The following MACF1 variants were observed in gnomAD, a reference collection of about 807,000 sequenced individuals.
MACF1 encodes the protein microtubule-actin cross-linking factor 1.
MACF1 carries 193 observed loss-of-function variants against 854.8 expected under a neutral mutation model. The ratio of observed to expected loss-of-function variants is 0.23; its 90% CI spans 0.20 to 0.25. MACF1 has a LOEUF of 0.25. Ranked by LOEUF, MACF1 falls within the 10% of genes least tolerant of loss-of-function variation. The probability of loss-of-function intolerance (pLI) is 1.00; values close to 1 mark genes in which losing one functional copy is unlikely to be tolerated. For synonymous variants in MACF1, 3,185 were observed against 3,226.7 expected (o/e 0.99, Z 0.44); for missense variants, 7,722 against 8,929.1 (o/e 0.86, Z 5.45).
chr1:39,189,820 C>T (rs1644222161), intron 2 of MACF1, among the ~76,000 whole-genome samples: 1 of 152,158 alleles, frequency 6.6e-6, no homozygotes, highest in African/African-American at 2.4e-5. Context: ...TATCTGTATA[C>T]ATATTTCTCC....
intron 58 of MACF1, among the ~76,000 whole-genome samples, chr1:39,395,991 G>T (rs1476450045): frequency 6.6e-6 from 1 of 152,190 alleles, no homozygotes; most frequent in East Asian, 1.9e-4. Context: ...ATCAAGAAAG[G>T]ATTGATAGAT....
intron 1 of MACF1, among the ~76,000 whole-genome samples, chr1:39,207,258 TTTTCTTTC>T (rs151191283): frequency 1.0e-4 from 15 of 150,710 alleles, no homozygotes; most frequent in Non-Finnish European, 2.1e-4. Context: ...ATAGTTGTTT[TTTTCTTTC>T]TTTCTTTCTT....
Position 39,358,809 on chromosome 1 carries a change from A to C in MACF1, c.12056A>C (p.Lys4019Thr), listed in dbSNP as rs1468693122. ...WMQACEANVE[K>T]LLSDTVASDP... ...CAGGCTTGTGAGGCCAACGTGGAGAAGCTCCTCTCAGATACTGTTGCCTCT... is the reference window on the plus strand; with the variant it reads ...CAGGCTTGTGAGGCCAACGTGGAGACGCTCCTCTCAGATACTGTTGCCTCT... The change falls in exon 46 of 101, where the codon AAG becomes ACG. Residue 4019 changes from lysine to threonine, a missense_variant. Physicochemically the swap from Lys to Thr is moderately conservative, Grantham distance 78. Around this residue, in one of 15 missense-constraint regions of MACF1, gnomAD observed 2,807 missense variants for 3,235.8 expected, o/e 0.87. Coordinates refer to ENST00000564288, the MANE Select transcript of MACF1 (RefSeq NM_001394062.1). The C allele has an allele frequency of 3.7e-6, 6 of 1,613,766 alleles. No individual in the cohort carries two copies. The highest frequency in any genetic ancestry group is 5.1e-6 in the Non-Finnish European group (6 of 1,179,918).
At chr1:39,380,559 A>T (rs1650089133) in intron 55 of MACF1, among the ~76,000 whole-genome samples, 186 bp downstream of exon 55, 1 of 152,202 alleles carries the variant, frequency 6.6e-6, no homozygotes, top group South Asian at 2.1e-4. Flanking sequence ...CCACTCAAAA[A>T]GTCAGAAGTT....
chr1:39,251,993 G>A (rs922530021), intron 4 of MACF1, 52 bp downstream of exon 4: 2 of 1,304,842 alleles, frequency 1.5e-6, no homozygotes. Flanking sequence ...TGGCACTGCA[G>A]GGCCATCAGA....
At position 39,332,318 on chromosome 1, in the gene MACF1, T is replaced by G. The variant is rs1646741755; in HGVS notation, c.5730T>G (p.Asp1910Glu). The G allele has an allele frequency of 1.2e-6, 2 of 1,613,882 alleles. No individual in the cohort carries two copies. The highest frequency in any genetic ancestry group is 3.3e-5 in the Admixed American group (2 of 60,000). The part of the protein sequence containing the change: ...WKKAIESGIL[D>E]RDLANNLKSI... The stretch of plus-strand genomic sequence containing the variant: ...AAGCAATAGAAAGTGGTATCCTGGA[T>G]AGAGATCTTGCCAATAACTTAAAAT... The change falls in exon 37 of 101, where the codon GAT becomes GAG. Residue 1910 changes from aspartate to glutamate, a missense_variant. Asp to Glu is a conservative substitution (Grantham distance 45). Around this residue, in one of 15 missense-constraint regions of MACF1, gnomAD observed 1,531 missense variants for 1,601.6 expected, o/e 0.96. Transcript: ENST00000564288.
intron 15 of MACF1, among the ~76,000 whole-genome samples, chr1:39,290,005 C>G (rs1396077372): frequency 6.6e-6 from 1 of 151,954 alleles, no homozygotes; most frequent in Non-Finnish European, 1.5e-5. Context: ...TGGCCTGTCC[C>G]TTTCCTTTGT....
intron 52 of MACF1, 71 bp downstream of exon 52, chr1:39,372,667 T>C (rs1649350306): frequency 1.0e-6 from 1 of 963,212 alleles, no homozygotes; most frequent in South Asian, 1.4e-5. Flanking sequence ...AGATGCCTCC[T>C]TATATAATTA....
At chr1:39,286,355 A>G (rs1008488599) in intron 14 of MACF1, among the ~76,000 whole-genome samples, 3 of 152,156 alleles carry the variant, frequency 2.0e-5, no homozygotes, top group African/African-American at 7.2e-5. Context: ...GTTGGGACAC[A>G]ACACAACTTC....
chr1:39,443,671 A>G lies in MACF1; in HGVS notation c.19431+97A>G, dbSNP rs1644164216. The G allele has an allele frequency of 4.7e-5, 61 of 1,305,344 alleles. 2 individuals carry two copies. In the South Asian group the frequency reaches 8.4e-4, roughly 18 times the overall value. 80.9% of individuals were successfully genotyped at this position (1,305,344 alleles called of 1,614,324 possible). A position where few individuals can be genotyped will look rare whatever the true frequency, so the allele number is the denominator to read the frequency against. On this transcript the variant is annotated intron_variant, in intron 79 of 100. Coordinates refer to ENST00000564288, the MANE Select transcript of MACF1 (RefSeq NM_001394062.1). ...AATTAATATGTATCTGGAAATCTAC[A>G]AAGTAGTGCATTTTTATCAAACATA...
At chr1:39,171,168 C>G (rs984416282) in intron 2 of MACF1, among the ~76,000 whole-genome samples, 3 of 151,156 alleles carry the variant, frequency 2.0e-5, no homozygotes, top group Non-Finnish European at 4.4e-5. Context: ...CCTTTCTGGT[C>G]CATATTTACT....
rs1256840402 is a variant in MACF1 at position 39,409,033 on chromosome 1, C to A, written c.15817-13341C>A. 1.3e-5 allele frequency among the ~76,000 whole-genome samples: 2 copies of A among 151,598 alleles called. No homozygotes were observed. The highest frequency in any genetic ancestry group is 2.9e-5 in the Non-Finnish European group (2 of 67,842). On this transcript the variant is annotated intron_variant, in intron 58 of 100. Transcript: ENST00000564288. The surrounding 1 kb of genome is among the most constrained non-coding windows in gnomAD (Gnocchi z 4.2). ...GCTGCCCGGGCGGGGCGGCGCAGCG[C>A]GGCGGCGCGGGGAAGGGGGAGGAGA... is the stretch of plus-strand genomic sequence containing the variant.
At chr1:39,207,893 G>T (rs920045107) in intron 1 of MACF1, among the ~76,000 whole-genome samples, 8 of 151,942 alleles carry the variant, frequency 5.3e-5, no homozygotes, top group African/African-American at 1.7e-4. Flanking sequence ...CAGCACTTTG[G>T]GAGGCTGAGG....
At chr1:39,461,757 A>C (rs1457735043) in intron 92 of MACF1, 126 bp from the exon 93 acceptor site, 8 of 659,738 alleles carry the variant, frequency 1.2e-5, no homozygotes, top group South Asian at 1.1e-4. Flanking sequence ...GCACCACTGC[A>C]CTCCAGCCTG....
rs1483119307 is a variant in MACF1, at chr1:39,442,855, T to C, written c.19246T>C (p.Ser6416Pro). 6.2e-7 allele frequency: 1 copy of C among 1,613,832 alleles called. No homozygotes were observed. The highest frequency in any genetic ancestry group is 2.2e-5 in the East Asian group (1 of 44,884). The change falls in exon 78 of 101, where the codon TCA (serine) becomes CCA (proline). Residue 6416 changes from serine to proline, a missense_variant. Physicochemically the swap from Ser to Pro is moderately conservative, Grantham distance 74 (BLOSUM62 -1). This residue lies in a region of MACF1 where 729 missense variants were observed against 900.5 expected (regional missense o/e 0.81). Transcript: ENST00000564288. ...GGAAGCCATGAACCAATGCTGGGAG[T>C]CAGTGTTACAGAAAACAGAGGAGAG... ...RLEAMNQCWE[S>P]VLQKTEEREQ...
intron 18 of MACF1, 68 bp from the exon 19 acceptor site, chr1:39,294,978 T>G: frequency 8.5e-7 from 1 of 1,175,440 alleles, no homozygotes; most frequent in Non-Finnish European, 1.3e-6. Context: ...GGAACACAGC[T>G]TTTATTTATG....
intron 58 of MACF1, among the ~76,000 whole-genome samples, chr1:39,404,471 G>GA (rs71575619): frequency 6.7e-4 from 95 of 142,054 alleles, no homozygotes; most frequent in South Asian, 2.0e-3. Context: ...ACCCTGTCTG[G>GA]AAAAAAAAAA....
chr1:39,423,854 C>T (rs982717262), intron 60 of MACF1, among the ~76,000 whole-genome samples, 174 bp from the exon 61 acceptor site: 2 of 151,568 alleles, frequency 1.3e-5, no homozygotes, highest in South Asian at 2.1e-4. Context: ...GAAAAGTATA[C>T]GAGTGGTGAG....
At position 39,437,831 on chromosome 1, in the gene MACF1, C is replaced by G; in HGVS notation, c.18043C>G (p.Leu6015Val). 6.2e-7 allele frequency: 1 copy of G among 1,614,120 alleles called. No homozygotes were observed. The highest frequency in any genetic ancestry group is 2.2e-5 in the East Asian group (1 of 44,890). Residue 6015 changes from leucine to valine, a missense_variant, in exon 71 of 101, where the codon CTG becomes GTG. By Grantham distance (32) the Leu-to-Val change is conservative. Transcript: ENST00000564288. ...LETLENLSSR[L>V]RMPPLIPAEV... ...GACACTGGAGAATCTTTCCTCTCGC[C>G]TGCGTATGCCACCACTGATCCCTGC...
Sources: gnomAD v4.1 joint callset for allele counts (sites outside exome capture counted in the v4.1 genomes callset) on GRCh38, gnomAD v4.1.1 for gene constraint, gnomAD v4.1.1 regional missense constraint, Gnocchi (gnomAD v3.1) non-coding constraint, MANE v1.5 for transcripts, NCBI Gene and HGNC (gene_info 2026-07-23, HGNC 2026-07-21) for gene names.